CTNNA2: variants seen among roughly 807,000 people sequenced by gnomAD.
CTNNA2 encodes the protein catenin alpha-2.
Under a neutral mutation model 101.0 loss-of-function variants are expected in CTNNA2, and 42 were observed. The ratio of observed to expected loss-of-function variants is 0.42; its 90% CI spans 0.32 to 0.54. The LOEUF (loss-of-function observed/expected upper bound fraction) is 0.54, where lower values mean the gene tolerates loss of function less well. CTNNA2 is among the 20% of genes least tolerant of loss of function. The pLI is 0.14. For missense variants in CTNNA2, 871 were observed against 1,223.1 expected (o/e 0.71, Z 4.29); for synonymous variants, 450 against 456.4 (o/e 0.99, Z 0.18).
intron 3 of CTNNA2, among the ~76,000 whole-genome samples, chr2:79,793,958 C>A (rs1675491761): frequency 1.3e-5 from 2 of 148,360 alleles, no homozygotes; most frequent in African/African-American, 5.1e-5. Flanking sequence ...AAGAATGATA[C>A]AATGGACTTT....
At chr2:79,490,805 G>C (rs913069708) in intron 4 of CTNNA2, among the ~76,000 whole-genome samples, 6 of 152,178 alleles carry the variant, frequency 3.9e-5, no homozygotes, top group Non-Finnish European at 5.9e-5. Context: ...TGATCCCTTA[G>C]AGGAGACAAG....
chr2:80,331,759 G>T (rs556970855), intron 7 of CTNNA2, among the ~76,000 whole-genome samples: 18 of 152,208 alleles, frequency 1.2e-4, no homozygotes, highest in Non-Finnish European at 2.4e-4. Context: ...AGAAAAGAGT[G>T]AGGGTCCCCA....
intron 7 of CTNNA2, among the ~76,000 whole-genome samples, chr2:79,935,761 G>A (rs1474756305): frequency 1.3e-5 from 2 of 152,156 alleles, no homozygotes; most frequent in Admixed American, 6.5e-5. Flanking sequence ...GATTATTTTC[G>A]AAAGAATGTT....
chr2:80,548,960 C>A (rs1345859004), intron 11 of CTNNA2, among the ~76,000 whole-genome samples: 1 of 152,120 alleles, frequency 6.6e-6, no homozygotes, highest in African/African-American at 2.4e-5. Context: ...ACAATAAAAA[C>A]AGATCTTTGT....
chr2:80,348,988 C>T (rs1673040431), intron 7 of CTNNA2, among the ~76,000 whole-genome samples: 1 of 152,096 alleles, frequency 6.6e-6, no homozygotes, highest in Admixed American at 6.6e-5. Context: ...AAGGTTATTT[C>T]AGATTGTATA....
intron 1 of CTNNA2, among the ~76,000 whole-genome samples, chr2:79,557,299 T>C (rs1294758744): frequency 6.6e-6 from 1 of 151,962 alleles, no homozygotes; most frequent in Admixed American, 6.6e-5. Context: ...ATTTATTTTC[T>C]TGCTGTGTAT....
chr2:79,956,863 T>TTTTTTTTTTTTTTTTTTTTTTTTG (rs1689271254), intron 7 of CTNNA2, among the ~76,000 whole-genome samples: 1 of 125,688 alleles, frequency 8.0e-6, no homozygotes, highest in African/African-American at 2.8e-5. Flanking sequence ...TTTTTTTTTT[T>TTTTTTTTTTTTTTTTTTTTTTTTG]TTTTTCAGTG....
intron 2 of CTNNA2, among the ~76,000 whole-genome samples, chr2:79,663,535 T>G (rs1682186585): frequency 6.6e-6 from 1 of 152,232 alleles, no homozygotes; most frequent in African/African-American, 2.4e-5. Context: ...TCTCTCTGCA[T>G]GGGCGGATGC....
At chr2:80,164,023 C>G (rs1704504982) in intron 7 of CTNNA2, among the ~76,000 whole-genome samples, 1 of 151,210 alleles carries the variant, frequency 6.6e-6, no homozygotes, top group African/African-American at 2.4e-5. Flanking sequence ...TATATTATTA[C>G]TTCTACTTCC....
At chr2:79,281,940 C>A (rs1442098405) in intron 2 of CTNNA2, among the ~76,000 whole-genome samples, 1 of 152,082 alleles carries the variant, frequency 6.6e-6, no homozygotes, top group Non-Finnish European at 1.5e-5. Flanking sequence ...ATGAATATTT[C>A]CAATAGTCCA....
intron 7 of CTNNA2, among the ~76,000 whole-genome samples, chr2:79,914,127 A>G (rs1171403845): frequency 7.0e-6 from 1 of 142,126 alleles, no homozygotes; most frequent in Non-Finnish European, 1.5e-5. Flanking sequence ...AGATCCCGCC[A>G]CTGCACTCCA....
At chr2:79,344,137 G>A (rs1283222806) in intron 3 of CTNNA2, among the ~76,000 whole-genome samples, 1 of 151,994 alleles carries the variant, frequency 6.6e-6, no homozygotes, top group Non-Finnish European at 1.5e-5. Flanking sequence ...TAACCAGAGG[G>A]GCAGGCATTG....
chr2:79,378,049 T>C (rs1677998879), intron 4 of CTNNA2, among the ~76,000 whole-genome samples: 1 of 152,166 alleles, frequency 6.6e-6, no homozygotes, highest in Admixed American at 6.5e-5. Flanking sequence ...ATCAATTAAG[T>C]CAAATGGTAT....
intron 7 of CTNNA2, among the ~76,000 whole-genome samples, chr2:80,022,718 G>A (rs927507240): frequency 6.6e-6 from 1 of 152,164 alleles, no homozygotes. Flanking sequence ...CTCATGACAG[G>A]CTTTCTCAGA....
At chr2:79,837,559 C>T (rs1219765970) in intron 3 of CTNNA2, among the ~76,000 whole-genome samples, 1 of 152,132 alleles carries the variant, frequency 6.6e-6, no homozygotes, top group Non-Finnish European at 1.5e-5. Flanking sequence ...CCAATGATCT[C>T]TCAAATGAGC....
intron 3 of CTNNA2, among the ~76,000 whole-genome samples, chr2:79,348,872 A>T (rs1351292941): frequency 1.3e-5 from 2 of 152,060 alleles, no homozygotes; most frequent in African/African-American, 4.8e-5. Flanking sequence ...CTTTACTTTG[A>T]TCATGGTTAA....
At chr2:80,290,534 G>C (rs1449564680) in intron 7 of CTNNA2, among the ~76,000 whole-genome samples, 1 of 151,870 alleles carries the variant, frequency 6.6e-6, no homozygotes, top group African/African-American at 2.4e-5. Context: ...TCATTATCTA[G>C]CTCAGTGTTT....
chr2:79,369,982 T>C (rs1677834742), intron 3 of CTNNA2, among the ~76,000 whole-genome samples: 1 of 152,190 alleles, frequency 6.6e-6, no homozygotes. Flanking sequence ...ATCCAGATAT[T>C]TTACTACTGT....
chr2:79,531,228 A>G (rs935681019), intron 1 of CTNNA2, among the ~76,000 whole-genome samples: 6 of 139,752 alleles, frequency 4.3e-5, no homozygotes, highest in African/African-American at 1.4e-4. Flanking sequence ...ATATATATAT[A>G]TATATATAGC....
Sources: allele counts gnomAD v4.1 joint callset (sites outside exome capture counted in the v4.1 genomes callset), GRCh38; gene constraint gnomAD v4.1.1; transcripts MANE v1.5; gene names NCBI Gene and HGNC (gene_info 2026-07-23, HGNC 2026-07-21).